Variants in TPST1 observed in about 807,000 individuals in gnomAD.
TPST1 encodes the protein protein-tyrosine sulfotransferase 1.
TPST1 carries 20 observed loss-of-function variants against 34.8 expected under a neutral mutation model. That is an observed-to-expected ratio of 0.57 (90% CI 0.40 to 0.84). TPST1 has a LOEUF of 0.84. Ranked by LOEUF, TPST1 falls within the 40% of genes least tolerant of loss-of-function variation. The pLI is 0.00. For missense variants in TPST1, 353 were observed against 455.5 expected (o/e 0.78, Z 2.05); for synonymous variants, 152 against 159.4 (o/e 0.95, Z 0.35).
At position 66,241,100 on chromosome 7, in the gene TPST1, G is replaced by A. The variant is rs779912904; in HGVS notation, c.675G>A (p.Gln225=). ...GTGCTATAGAGACCATGTATAACCA[G>A]TGTATGGAGGTTGGTTATAAAAAGT... is the stretch of plus-strand genomic sequence containing the variant. The part of the protein sequence containing the change: ...WNRAIETMYN[Q]CMEVGYKKCM... Residue 225 remains glutamine, a synonymous_variant, in exon 2 of 6, where the codon CAG becomes CAA. Transcript: ENST00000304842. 6.2e-7 allele frequency: 1 copy of A among 1,614,170 alleles called. No individual in the cohort carries two copies. Among genetic ancestry groups the A allele is most frequent in the Admixed American group, 1.7e-5 (1 of 60,016 alleles).
chr7:66,277,325 T>C (rs1790840226), intron 2 of TPST1, among the ~76,000 whole-genome samples: 1 of 152,222 alleles, frequency 6.6e-6, no homozygotes, highest in Non-Finnish European at 1.5e-5. Context: ...CTCTGATTTT[T>C]AGAGTTTGGT....
intron 3 of TPST1, among the ~76,000 whole-genome samples, chr7:66,300,343 A>G (rs1162145888): frequency 3.9e-5 from 6 of 152,210 alleles, no homozygotes; most frequent in African/African-American, 7.2e-5. Flanking sequence ...TTCAAGTTCA[A>G]TCATAAGATT....
upstream of TPST1, among the ~76,000 whole-genome samples, chr7:66,203,170 C>T: frequency 6.6e-6 from 1 of 151,832 alleles, no homozygotes; most frequent in Non-Finnish European, 1.5e-5. Flanking sequence ...TGTATACACC[C>T]ACACACATAT....
At chr7:66,256,613 T>C (rs575943753) in intron 2 of TPST1, among the ~76,000 whole-genome samples, 1 of 152,232 alleles carries the variant, frequency 6.6e-6, no homozygotes, top group African/African-American at 2.4e-5. Flanking sequence ...GTAAAGAAGA[T>C]GGAAGTTACA....
chr7:66,203,328 C>T (rs1789053417), upstream of TPST1, among the ~76,000 whole-genome samples: 1 of 151,820 alleles, frequency 6.6e-6, no homozygotes, highest in South Asian at 2.1e-4. Context: ...CAGCCTAGAA[C>T]TCCTGGGCTC....
At chr7:66,218,002 C>A (rs1789461057) in intron 1 of TPST1, among the ~76,000 whole-genome samples, 1 of 152,114 alleles carries the variant, frequency 6.6e-6, no homozygotes, top group African/African-American at 2.4e-5. Context: ...GCCTCAGCCT[C>A]CTGAGTAGCT....
In TPST1 at chr7:66,279,014, A is replaced by G. The variant is rs1308044664; in HGVS notation, c.846-7497A>G. On this transcript the variant is annotated intron_variant, in intron 2 of 5. Coordinates refer to ENST00000304842, the MANE Select transcript of TPST1 (RefSeq NM_003596.4). ...ATTGTCTGTCACGGGGGTTTGGTGT[A>G]CAGATTGTTTCATCACCCAGGTAAT... is the stretch of plus-strand genomic sequence containing the variant. 2.0e-5 allele frequency among the ~76,000 whole-genome samples: 3 copies of G among 152,080 alleles called. No individual in the cohort carries two copies. The East Asian group carries it at 5.8e-4, about 29-fold the overall frequency.
upstream of TPST1, among the ~76,000 whole-genome samples, chr7:66,201,730 G>T (rs538391737): frequency 6.6e-6 from 1 of 151,726 alleles, no homozygotes; most frequent in Admixed American, 6.6e-5. Flanking sequence ...GCGTGCACCC[G>T]TAGTCTTAGC....
intron 3 of TPST1, among the ~76,000 whole-genome samples, chr7:66,297,456 G>A (rs1791225140): frequency 6.6e-6 from 1 of 152,206 alleles, no homozygotes. Context: ...GTACCTATGA[G>A]CCAGAGAGCA....
upstream of TPST1, among the ~76,000 whole-genome samples, chr7:66,202,329 G>A (rs967083959): frequency 6.6e-6 from 1 of 152,074 alleles, no homozygotes; most frequent in Non-Finnish European, 1.5e-5. Context: ...TGTAGTCCCC[G>A]GATCACCTGA....
At chr7:66,235,074 C>G (rs933994128) in intron 1 of TPST1, among the ~76,000 whole-genome samples, 2 of 151,968 alleles carry the variant, frequency 1.3e-5, no homozygotes, top group Non-Finnish European at 2.9e-5. Flanking sequence ...ACATTATTCT[C>G]TTTTCTTGCC....
intron 3 of TPST1, among the ~76,000 whole-genome samples, chr7:66,295,233 G>A (rs903330761): frequency 1.3e-5 from 2 of 152,142 alleles, no homozygotes; most frequent in Non-Finnish European, 1.5e-5. Context: ...AGTGGCTCAC[G>A]CCTGTAATCC....
intron 3 of TPST1, among the ~76,000 whole-genome samples, chr7:66,296,253 C>CA (rs1791192573): frequency 8.2e-5 from 3 of 36,468 alleles, no homozygotes; most frequent in African/African-American, 1.6e-4. Context: ...CCCTTCCCCC[C>CA]CCCCTCCCCC....
At chr7:66,328,319 G>A (rs950161962) in intron 3 of TPST1, among the ~76,000 whole-genome samples, 22 of 151,428 alleles carry the variant, frequency 1.5e-4, no homozygotes, top group African/African-American at 5.1e-4. Flanking sequence ...GAGCCACCGC[G>A]CCTGGCCCTA....
chr7:66,232,112 A>T (rs1034113980), intron 1 of TPST1, among the ~76,000 whole-genome samples: 1 of 151,528 alleles, frequency 6.6e-6, no homozygotes, highest in Admixed American at 6.6e-5. Flanking sequence ...ACAAATTCTT[A>T]TGTGGAGATG....
intron 1 of TPST1, among the ~76,000 whole-genome samples, chr7:66,215,116 G>A (rs142209595): frequency 0.022 from 3,213 of 148,184 alleles, 59 homozygotes; most frequent in Non-Finnish European, 0.029. Context: ...GTGCAGTGGC[G>A]CGATCTTGGC....
intron 1 of TPST1, among the ~76,000 whole-genome samples, chr7:66,214,612 T>G (rs1264535674): frequency 6.6e-6 from 1 of 150,980 alleles, no homozygotes; most frequent in Non-Finnish European, 1.5e-5. Flanking sequence ...GCCCAGGGGT[T>G]CAAGACCAGC....
At chr7:66,325,276 C>T (rs762522951) in intron 3 of TPST1, among the ~76,000 whole-genome samples, 6 of 152,152 alleles carry the variant, frequency 3.9e-5, no homozygotes, top group Non-Finnish European at 7.4e-5. Context: ...TCAGTGACTT[C>T]CACCTGGTCT....
chr7:66,260,092 C>G (rs1008306869), intron 2 of TPST1, among the ~76,000 whole-genome samples: 2 of 152,084 alleles, frequency 1.3e-5, no homozygotes, highest in Non-Finnish European at 2.9e-5. Context: ...TAGTTTATTT[C>G]TTTTTAGCAC....
Sources: allele counts gnomAD v4.1 joint callset (sites outside exome capture counted in the v4.1 genomes callset), GRCh38; gene constraint gnomAD v4.1.1; transcripts MANE v1.5; gene names NCBI Gene and HGNC (gene_info 2026-07-23, HGNC 2026-07-21).